The following DNAH6 variants were observed in gnomAD, a reference collection of about 807,000 sequenced individuals.
The protein encoded by DNAH6 is dynein axonemal heavy chain 6.
In DNAH6, 340 loss-of-function variants were observed where a neutral mutation model predicts 491.4. The ratio of observed to expected loss-of-function variants is 0.69; its 90% confidence interval spans 0.63 to 0.76. The LOEUF (loss-of-function observed/expected upper bound fraction) is 0.76, where lower values mean the gene tolerates loss of function less well. Ranked by LOEUF, DNAH6 falls within the 30% of genes least tolerant of loss-of-function variation. The pLI is 0.00. For missense variants in DNAH6, 4,443 were observed against 4,972.2 expected, an observed-to-expected ratio of 0.89 and a Z score of 3.20; for synonymous variants, 1,603 against 1,686.1, an observed-to-expected ratio of 0.95 and a Z score of 1.21.
intron 59 of DNAH6, among the ~76,000 whole-genome samples, chr2:84,721,635 T>C (rs1573603238): frequency 6.6e-6 from 1 of 152,216 alleles, no homozygotes; most frequent in East Asian, 1.9e-4. Flanking sequence ...TATGTTGATA[T>C]AATATTTTGG....
In DNAH6 at chr2:84,606,994, A is replaced by T. The variant is rs927917768; in HGVS notation, c.3193A>T (p.Thr1065Ser). ...DDIQVLLDDSTINVATLASSR... is the reference protein window; with the variant it reads ...DDIQVLLDDSSINVATLASSR... The stretch of plus-strand genomic sequence containing the variant: ...TTTAAAGGTCCTTCTTGATGATAGC[A>T]CCATCAATGTTGCAACTCTTGCCTC... Residue 1065 changes from threonine to serine, a missense_variant, in exon 21 of 77, where the codon ACC becomes TCC. Thr to Ser is a moderately conservative substitution (Grantham distance 58). Transcript: ENST00000389394. 2.5e-5 allele frequency: 39 copies of T among 1,551,112 alleles called. No homozygotes were observed. The highest frequency in any genetic ancestry group is 3.3e-5 in the Non-Finnish European group (38 of 1,146,676).
the DNAH6 span, among the ~76,000 whole-genome samples, chr2:84,497,262 C>T: frequency 6.6e-6 from 1 of 152,070 alleles, no homozygotes; most frequent in East Asian, 1.9e-4. Context: ...TGGGTCACCA[C>T]GCCCAGTCAC....
intron 34 of DNAH6, 95 bp downstream of exon 34, chr2:84,653,969 A>G: frequency 1.0e-6 from 1 of 976,074 alleles, no homozygotes; most frequent in Non-Finnish European, 1.5e-6. Context: ...TTTACTATCT[A>G]TAATGTCTAT....
intron 56 of DNAH6, 47 bp downstream of exon 56, chr2:84,710,459 T>C: frequency 6.5e-7 from 1 of 1,541,566 alleles, no homozygotes; most frequent in South Asian, 1.2e-5. Flanking sequence ...AACTTTCAAA[T>C]CATATCTGGA....
At chr2:84,502,441 C>A in the DNAH6 span, among the ~76,000 whole-genome samples, 20 of 152,254 alleles carry the variant, frequency 1.3e-4, no homozygotes, top group East Asian at 3.7e-3. Context: ...CCTAACATAT[C>A]GGCTTTCCCT....
At chr2:84,550,364 A>G (rs188283083) in intron 9 of DNAH6, among the ~76,000 whole-genome samples, 154 of 152,232 alleles carry the variant, frequency 1.0e-3, no homozygotes, top group African/African-American at 3.6e-3. Context: ...TTGGGCTCCT[A>G]TGAGAATCTA....
chr2:84,710,207 C>T, intron 55 of DNAH6, 80 bp from the exon 56 acceptor site: 1 of 1,484,094 alleles, frequency 6.7e-7, no homozygotes, highest in Non-Finnish European at 9.0e-7. Flanking sequence ...AACATTTCCA[C>T]ACTTTCTTCT....
rs1303623091 is a variant in DNAH6, at chr2:84,762,942, A to T, written c.10700A>T (p.Glu3567Val). The change falls in exon 64 of 77, where the codon GAA becomes GTA. Residue 3567 changes from glutamate (E) to valine (V), a missense_variant. Glu to Val is a moderately radical substitution (Grantham distance 121). Coordinates refer to ENST00000389394, the MANE Select transcript of DNAH6 (RefSeq NM_001370.2). Reference protein sequence around the residue: ...QRFARESGYSERVQSISLGQG... With the variant: ...QRFARESGYSVRVQSISLGQG... ...TTTGCCAGGGAAAGTGGATATTCAG[A>T]ACGGTAAGTTCATGTTGTGCAGTTT... 1.3e-6 allele frequency: 2 copies of T among 1,549,980 alleles called. No homozygotes were observed. The highest frequency in any genetic ancestry group is 4.9e-5 in the East Asian group (2 of 40,918).
chr2:84,483,388 T>C, the DNAH6 span, among the ~76,000 whole-genome samples: 3 of 152,332 alleles, frequency 2.0e-5, no homozygotes, highest in Admixed American at 6.5e-5. Context: ...TTCCTCCTTA[T>C]GCTATTTACA....
At chr2:84,654,917 G>A in intron 35 of DNAH6, 135 bp downstream of exon 35, 1 of 935,914 alleles carries the variant, frequency 1.1e-6, no homozygotes, top group Non-Finnish European at 1.6e-6. Context: ...AGTCCTCCCT[G>A]TGAATTCCTG....
At chr2:84,705,454 A>G in intron 51 of DNAH6, 32 bp from the exon 52 acceptor site, 7 of 1,494,626 alleles carry the variant, frequency 4.7e-6, no homozygotes, top group Non-Finnish European at 6.2e-6. Flanking sequence ...ACTTCATTTC[A>G]GTGCCATTAA....
intron 64 of DNAH6, among the ~76,000 whole-genome samples, chr2:84,776,261 TG>T (rs1676110777): frequency 6.6e-6 from 1 of 152,210 alleles, no homozygotes; most frequent in African/African-American, 2.4e-5. Flanking sequence ...AACATCCATC[TG>T]GCTCAAGGGG....
chr2:84,695,091 G>A (rs1048275936), intron 46 of DNAH6, among the ~76,000 whole-genome samples: 1 of 151,914 alleles, frequency 6.6e-6, no homozygotes, highest in African/African-American at 2.4e-5. Flanking sequence ...GAAAAAATTG[G>A]AAAAATATTT....
chr2:84,597,786 G>A lies in DNAH6; in HGVS notation c.2868+1997G>A, dbSNP rs1163905335. The stretch of plus-strand genomic sequence containing the variant: ...ATGGAGTTTTATTCAGTAGTAAAAT[G>A]AAATTAAGTTGTATGTGCAACAGAA... On this transcript the variant is annotated intron_variant, in intron 18 of 76. Transcript: ENST00000389394. Among the ~76,000 whole-genome samples the A allele has an allele frequency of 3.3e-5, 5 of 152,156 alleles. No homozygotes were observed. The East Asian group carries it at 9.6e-4, about 29-fold the overall frequency.
chr2:84,753,392 G>A (rs1416288454), intron 63 of DNAH6, among the ~76,000 whole-genome samples: 1 of 151,886 alleles, frequency 6.6e-6, no homozygotes, highest in Non-Finnish European at 1.5e-5. Flanking sequence ...ATGATGTCCA[G>A]TTTATCTATT....
At chr2:84,729,310 G>T (rs1308469683) in intron 61 of DNAH6, among the ~76,000 whole-genome samples, 1 of 152,140 alleles carries the variant, frequency 6.6e-6, no homozygotes, top group Non-Finnish European at 1.5e-5. Flanking sequence ...AACTTGTCCT[G>T]ATAACACACT....
intron 3 of DNAH6, 107 bp from the exon 4 acceptor site, chr2:84,528,796 GA>G: frequency 1.8e-6 from 2 of 1,108,106 alleles, no homozygotes; most frequent in Non-Finnish European, 2.5e-6. Context: ...TTGAGCCCTA[GA>G]CATCTCATGC....
chr2:84,567,469 G>A (rs1681329218), intron 11 of DNAH6, among the ~76,000 whole-genome samples: 1 of 152,038 alleles, frequency 6.6e-6, no homozygotes, highest in South Asian at 2.1e-4. Flanking sequence ...TAGACCAATG[G>A]CACAAAATAG....
chr2:84,777,862 C>G, intron 64 of DNAH6: 1 of 1,245,854 alleles, frequency 8.0e-7, no homozygotes, highest in South Asian at 1.2e-5. Flanking sequence ...AATTGCAGTT[C>G]GTGCTGTATT....
Sources: gnomAD v4.1 joint callset for allele counts (sites outside exome capture counted in the v4.1 genomes callset) on GRCh38, gnomAD v4.1.1 for gene constraint, MANE v1.5 for transcripts, NCBI Gene and HGNC (gene_info 2026-07-23, HGNC 2026-07-21) for gene names.